RAD51: variants seen among roughly 807,000 people sequenced by gnomAD.
The protein encoded by RAD51 is DNA repair protein RAD51 homolog 1.
In RAD51, 14 loss-of-function variants were observed where a neutral mutation model predicts 41.5. The observed-to-expected ratio is 0.34, with a 90% confidence interval of 0.22 to 0.53. The LOEUF is 0.53. Ranked by LOEUF, RAD51 falls within the 20% of genes least tolerant of loss-of-function variation. The probability of loss-of-function intolerance (pLI) is 0.95; values close to 1 mark genes in which losing one functional copy is unlikely to be tolerated. For missense variants in RAD51, 234 were observed against 422.0 expected (o/e 0.55, Z 3.90); for synonymous variants, 136 against 148.6 (o/e 0.92, Z 0.62).
intron 3 of RAD51, among the ~76,000 whole-genome samples, chr15:40,701,426 G>A (rs1894986978): frequency 7.4e-6 from 1 of 135,978 alleles, no homozygotes; most frequent in African/African-American, 2.8e-5. Flanking sequence ...ACAGGGTGGA[G>A]TGCAGTGGTG....
intron 3 of RAD51, among the ~76,000 whole-genome samples, chr15:40,702,429 A>G (rs1895061519): frequency 6.6e-6 from 1 of 152,206 alleles, no homozygotes; most frequent in African/African-American, 2.4e-5. Context: ...TTTGAGATGC[A>G]ATATGGTATA....
intron 1 of RAD51, among the ~76,000 whole-genome samples, chr15:40,697,967 A>G (rs1894753923): frequency 6.6e-6 from 1 of 152,226 alleles, no homozygotes. Context: ...GAGAACATTC[A>G]AAATACTCGC....
At chr15:40,723,262 C>T (rs575132591) in intron 6 of RAD51, among the ~76,000 whole-genome samples, 32 of 152,138 alleles carry the variant, frequency 2.1e-4, no homozygotes, top group East Asian at 1.4e-3. Context: ...AAATATACAA[C>T]GGTGGTCTCT....
intron 1 of RAD51, among the ~76,000 whole-genome samples, chr15:40,696,809 ACACAGT>A (rs1327420750): frequency 6.6e-6 from 1 of 152,030 alleles, no homozygotes; most frequent in Non-Finnish European, 1.5e-5. Flanking sequence ...TCTGCTGGTT[ACACAGT>A]AATGTCTTAA....
Position 40,731,453 on chromosome 15 carries a change from G to A in RAD51, c.*275G>A. Reference sequence around the variant, plus strand: ...GGGTATGAAGTATCTTTGACATGGTGCCTTAGGAATGACTTGGGTTTAACA... The same window carrying A: ...GGGTATGAAGTATCTTTGACATGGTACCTTAGGAATGACTTGGGTTTAACA... On this transcript the variant is annotated 3_prime_UTR_variant, in exon 10 of 10. Transcript: ENST00000267868. The A allele has an allele frequency of 2.2e-6, 1 of 449,042 alleles. No homozygotes were observed. Among genetic ancestry groups the A allele is most frequent in the Non-Finnish European group, 4.1e-6 (1 of 244,618 alleles). The allele number at this position is 449,042 out of a possible 1,614,324, so 27.8% of individuals were successfully genotyped here.
At chr15:40,721,300 C>T (rs1896258122) in intron 6 of RAD51, among the ~76,000 whole-genome samples, 2 of 151,880 alleles carry the variant, frequency 1.3e-5, no homozygotes, top group East Asian at 1.9e-4. Flanking sequence ...TGGAACATAA[C>T]GTGGAAATGC....
intron 2 of RAD51, among the ~76,000 whole-genome samples, chr15:40,700,636 T>C (rs1352650306): frequency 1.3e-5 from 2 of 152,206 alleles, no homozygotes; most frequent in Admixed American, 6.5e-5. Flanking sequence ...TTTAAAATTA[T>C]TGATTTTGAT....
rs1555427504 is a variant in RAD51 at position 40,710,269 on chromosome 15, A to AAAAAG, written c.435+1154_435+1155insAAAGA. Reference sequence around the variant, plus strand: ...AAAAAAAAAAAAAAAAAAAAAAAAAAAGAAGAAGAAAAAAAAAAGATCAGG... The same window carrying AAAAAG: ...AAAAAAAAAAAAAAAAAAAAAAAAAAAAAAGAGAAGAAGAAAAAAAAAAGATCAGG... On this transcript the variant is annotated intron_variant, in intron 5 of 9. Coordinates refer to ENST00000267868, the MANE Select transcript of RAD51 (RefSeq NM_002875.5). 5.7e-5 allele frequency among the ~76,000 whole-genome samples: 6 copies of AAAAAG among 104,360 alleles called. 1 individual carries two copies. The highest frequency in any genetic ancestry group is 2.6e-4 in the African/African-American group (6 of 23,232). 68.5% of individuals were successfully genotyped at this position (104,360 alleles called of 152,430 possible). A position where few individuals can be genotyped will look rare whatever the true frequency, so the allele number is the denominator to read the frequency against.
chr15:40,718,080 C>T (rs562139005), intron 5 of RAD51, among the ~76,000 whole-genome samples: 197 of 151,544 alleles, frequency 1.3e-3, no homozygotes, highest in African/African-American at 4.6e-3. Context: ...AAAATTTAAT[C>T]GGGTGTGGTG....
chr15:40,726,641 G>A (rs1461143405), intron 6 of RAD51, among the ~76,000 whole-genome samples: 3 of 151,574 alleles, frequency 2.0e-5, no homozygotes, highest in Non-Finnish European at 2.9e-5. Context: ...ATGGCCGGGC[G>A]CGGTGGCTCA....
chr15:40,727,910 T>C (rs1162164155), intron 6 of RAD51, among the ~76,000 whole-genome samples: 3 of 146,768 alleles, frequency 2.0e-5, no homozygotes, highest in African/African-American at 7.6e-5. Flanking sequence ...CCCAGTCTGG[T>C]GTGCAATGGT....
chr15:40,722,283 C>G (rs1037544493), intron 6 of RAD51, among the ~76,000 whole-genome samples: 8 of 151,978 alleles, frequency 5.3e-5, no homozygotes, highest in African/African-American at 1.9e-4. Flanking sequence ...TGTGGTAGCA[C>G]AGACCTGTAA....
intron 1 of RAD51, chr15:40,695,885 T>G (rs752527268): frequency 2.6e-5 from 4 of 152,080 alleles, no homozygotes; most frequent in Non-Finnish European, 5.9e-5. Flanking sequence ...TCTTAAAACT[T>G]TTTTTTTGAG....
At chr15:40,726,480 C>T (rs1311329267) in intron 6 of RAD51, among the ~76,000 whole-genome samples, 1 of 151,810 alleles carries the variant, frequency 6.6e-6, no homozygotes, top group Non-Finnish European at 1.5e-5. Context: ...TCTCGAACTC[C>T]TGACCTCAAG....
At position 40,696,711 on chromosome 15, in the gene RAD51, A is replaced by T. The variant is rs1347670754; in HGVS notation, c.-3+1286A>T. ...CTAATGTTGCTTGTTTTTGAATTTTATATAAAAATACATCAGGAGTGTTGA... is the reference window on the plus strand; with the variant it reads ...CTAATGTTGCTTGTTTTTGAATTTTTTATAAAAATACATCAGGAGTGTTGA... On this transcript the variant is annotated intron_variant, in intron 1 of 9. Transcript: ENST00000267868. Among the ~76,000 whole-genome samples the T allele has an allele frequency of 2.0e-5, 3 of 152,230 alleles. 1 individual carries two copies. In the South Asian group the frequency reaches 6.2e-4, roughly 31 times the overall value.
In RAD51 at chr15:40,701,219, A is replaced by T; in HGVS notation, c.225+18A>T. ...AAATTCTGGTAAGTACTGCTTACTT[A>T]ACCTAGGGAGGCATTAGTGGGAATA... On this transcript the variant is annotated intron_variant, in intron 3 of 9. Transcript: ENST00000267868. 1.1e-5 allele frequency: 18 copies of T among 1,613,412 alleles called. No homozygotes were observed. Among genetic ancestry groups the T allele is most frequent in the Non-Finnish European group, 1.5e-5 (18 of 1,179,348 alleles).
intron 2 of RAD51, among the ~76,000 whole-genome samples, chr15:40,699,102 A>G (rs190698484): frequency 6.6e-6 from 1 of 152,300 alleles, no homozygotes. Context: ...TCAGAAACTA[A>G]GGCCTAGGAT....
chr15:40,714,176 G>A (rs1278326001), intron 5 of RAD51, among the ~76,000 whole-genome samples: 1 of 151,974 alleles, frequency 6.6e-6, no homozygotes. Context: ...GGTGGAGGAG[G>A]ATGCTTAGGA....
At chr15:40,706,316 T>C (rs763419060) in intron 4 of RAD51, 22 bp downstream of exon 4, 1 of 1,538,828 alleles carries the variant, frequency 6.5e-7, no homozygotes. Context: ...CTTTATCCTG[T>C]GTTGTGAACT....
Sources: gnomAD v4.1 joint callset for allele counts (sites outside exome capture counted in the v4.1 genomes callset) on GRCh38, gnomAD v4.1.1 for gene constraint, MANE v1.5 for transcripts, NCBI Gene and HGNC (gene_info 2026-07-23, HGNC 2026-07-21) for gene names.